LRRC7: variants seen among roughly 807,000 people sequenced by gnomAD.
LRRC7 encodes the protein leucine rich repeat containing 7.
LRRC7 carries 23 observed loss-of-function variants against 175.7 expected under a neutral mutation model. That is an observed-to-expected ratio of 0.13 (90% CI 0.09 to 0.19). The LOEUF is 0.19. LRRC7 is among the 10% of genes least tolerant of loss of function. The probability of loss-of-function intolerance (pLI) is 1.00; values close to 1 mark genes in which losing one functional copy is unlikely to be tolerated. For synonymous variants in LRRC7, 685 were observed against 680.9 expected, an observed-to-expected ratio of 1.01 and a Z score of -0.09; for missense variants, 1,354 against 1,904.7, an observed-to-expected ratio of 0.71 and a Z score of 5.38.
intron 2 of LRRC7, among the ~76,000 whole-genome samples, chr1:69,751,466 A>G (rs897961735): frequency 1.7e-4 from 26 of 152,094 alleles, no homozygotes; most frequent in Admixed American, 8.5e-4. Flanking sequence ...TTTAATATAG[A>G]AGGAAAAAAG....
chr1:69,832,925 C>T (rs978888794), intron 5 of LRRC7, among the ~76,000 whole-genome samples: 4 of 151,842 alleles, frequency 2.6e-5, no homozygotes, highest in Non-Finnish European at 4.4e-5. Flanking sequence ...GCCAACATGG[C>T]GAAACCCTGT....
intron 7 of LRRC7, among the ~76,000 whole-genome samples, chr1:69,916,372 AC>A (rs1237461592): frequency 2.0e-5 from 3 of 146,988 alleles, no homozygotes; most frequent in African/African-American, 7.5e-5. Flanking sequence ...TAAACATCTC[AC>A]CCAATATTTC....
rs1404863847 is a variant in LRRC7, at chr1:69,568,240, G to A, written c.-400G>A. Among the ~76,000 whole-genome samples, 1 of 150,922 alleles carries A rather than the reference G, an allele frequency of 6.6e-6. No homozygotes were observed. The highest frequency in any genetic ancestry group is 1.5e-5 in the Non-Finnish European group (1 of 67,710). The stretch of plus-strand genomic sequence containing the variant: ...TCTCCGCCCAGGATTTATTGTCTGT[G>A]GAGCCTTCTGGGGGCGGGGAGGGAG... On this transcript the variant is annotated 5_prime_UTR_variant, in exon 1 of 27. Transcript: ENST00000651989.
intron 7 of LRRC7, among the ~76,000 whole-genome samples, chr1:69,906,467 T>A (rs759257728): frequency 1.3e-5 from 2 of 152,248 alleles, no homozygotes; most frequent in Admixed American, 6.5e-5. Context: ...CAGTTTCACC[T>A]TTCTACATAT....
intron 1 of LRRC7, among the ~76,000 whole-genome samples, chr1:69,664,031 T>A (rs187370904): frequency 1.5e-3 from 233 of 152,300 alleles, no homozygotes; most frequent in Middle Eastern, 3.4e-3. Context: ...TCGTTTTAAT[T>A]TTTATAAGTG....
At chr1:69,569,280 T>C (rs546456464) in intron 1 of LRRC7, among the ~76,000 whole-genome samples, 7 of 152,142 alleles carry the variant, frequency 4.6e-5, no homozygotes, top group Admixed American at 2.6e-4. Flanking sequence ...TGGGGGAGCG[T>C]GTTCCCTGGG....
chr1:69,615,739 T>A (rs931056966), intron 1 of LRRC7, among the ~76,000 whole-genome samples: 2 of 152,006 alleles, frequency 1.3e-5, no homozygotes, highest in Non-Finnish European at 2.9e-5. Context: ...TGTACAAAAT[T>A]CAGATTTGGG....
chr1:70,023,059 G>A, intron 16 of LRRC7, 67 bp from the exon 17 acceptor site: 9 of 1,369,574 alleles, frequency 6.6e-6, no homozygotes, highest in Non-Finnish European at 8.6e-6. Flanking sequence ...GTAGAAAAAT[G>A]ATAAAGTGAA....
intron 24 of LRRC7, among the ~76,000 whole-genome samples, chr1:70,085,973 T>C (rs1663577565): frequency 6.6e-6 from 1 of 152,158 alleles, no homozygotes; most frequent in Non-Finnish European, 1.5e-5. Context: ...TTTTCCAGAG[T>C]AGTTTATTTC....
intron 23 of LRRC7, among the ~76,000 whole-genome samples, chr1:70,069,199 T>C (rs907624951): frequency 1.3e-5 from 2 of 152,138 alleles, no homozygotes; most frequent in Non-Finnish European, 2.9e-5. Flanking sequence ...GAGATTTAAT[T>C]GACTCAGTTC....
At chr1:69,743,468 A>G (rs771806054) in intron 2 of LRRC7, among the ~76,000 whole-genome samples, 4 of 152,042 alleles carry the variant, frequency 2.6e-5, no homozygotes, top group Admixed American at 1.3e-4. Flanking sequence ...AGTTGACCAT[A>G]TATGTAGGGT....
chr1:69,904,401 G>A (rs952676310), intron 7 of LRRC7, among the ~76,000 whole-genome samples: 1 of 151,990 alleles, frequency 6.6e-6, no homozygotes, highest in African/African-American at 2.4e-5. Context: ...CATGGTTTCT[G>A]AAAAGAAGAA....
chr1:69,879,051 T>C (rs554248876), intron 7 of LRRC7, among the ~76,000 whole-genome samples: 20 of 150,500 alleles, frequency 1.3e-4, no homozygotes, highest in South Asian at 2.1e-4. Context: ...CTGTGGACTT[T>C]GGGTGACTAT....
intron 2 of LRRC7, among the ~76,000 whole-genome samples, chr1:69,755,374 C>T (rs1049911094): frequency 7.0e-6 from 1 of 142,632 alleles, no homozygotes; most frequent in Admixed American, 7.1e-5. Flanking sequence ...TCTATCCTTG[C>T]AAAATATATA....
At chr1:69,929,102 T>C (rs1484882245) in intron 7 of LRRC7, among the ~76,000 whole-genome samples, 1 of 152,218 alleles carries the variant, frequency 6.6e-6, no homozygotes, top group Non-Finnish European at 1.5e-5. Flanking sequence ...ATTCATGCCC[T>C]TGGTGATCTA....
chr1:69,803,243 A>G (rs1676730380), intron 4 of LRRC7, among the ~76,000 whole-genome samples: 1 of 151,328 alleles, frequency 6.6e-6, no homozygotes, highest in Non-Finnish European at 1.5e-5. Context: ...GCCATTCTTA[A>G]TACTGAATTC....
chr1:69,963,913 G>T (rs1197922447), intron 8 of LRRC7, among the ~76,000 whole-genome samples: 1 of 152,218 alleles, frequency 6.6e-6, no homozygotes, highest in East Asian at 1.9e-4. Flanking sequence ...GTACATGATA[G>T]GCCCTTAATA....
chr1:70,106,945 A>G (rs1289506828), intron 25 of LRRC7, among the ~76,000 whole-genome samples: 1 of 152,220 alleles, frequency 6.6e-6, no homozygotes, highest in African/African-American at 2.4e-5. Context: ...TACCTCTATC[A>G]TAACACTTGT....
At position 69,798,605 on chromosome 1, in the gene LRRC7, T is replaced by C. The variant is rs945055460; in HGVS notation, c.421+6445T>C. On this transcript the variant is annotated intron_variant, in intron 4 of 26. Transcript: ENST00000651989. ...ACACCAATGTACCCATCATGGAAAT[T>C]AAAGTGTTAATGTGTATTATAGATT... Among the ~76,000 whole-genome samples the C allele has an allele frequency of 3.9e-5, 6 of 152,168 alleles. 1 individual carries two copies. Among genetic ancestry groups the C allele is most frequent in the African/African-American group, 7.2e-5 (3 of 41,430 alleles).
Sources: allele counts gnomAD v4.1 joint callset (sites outside exome capture counted in the v4.1 genomes callset), GRCh38; gene constraint gnomAD v4.1.1; transcripts MANE v1.5; gene names NCBI Gene and HGNC (gene_info 2026-07-23, HGNC 2026-07-21).